CCKBR: variants seen among roughly 807,000 people sequenced by gnomAD.
CCKBR encodes cholecystokinin B receptor.
In CCKBR, 33 loss-of-function variants were observed where a neutral mutation model predicts 34.6. The observed-to-expected ratio is 0.95, with a 90% CI of 0.72 to 1.27. The LOEUF (loss-of-function observed/expected upper bound fraction) is 1.27, where lower values mean the gene tolerates loss of function less well. Among genes scored for constraint, CCKBR ranks in the 50% most tolerant of loss-of-function variants. The pLI, the probability that CCKBR is intolerant of heterozygous loss-of-function variation, is 0.00. For missense variants in CCKBR, 652 were observed against 617.4 expected, an observed-to-expected ratio of 1.06 and a Z score of -0.59; for synonymous variants, 269 against 267.5, an observed-to-expected ratio of 1.01 and a Z score of -0.06.
chr11:6,270,622 G>A (rs562461593), intron 3 of CCKBR, 24 bp from the exon 4 acceptor site: 15 of 1,574,616 alleles, frequency 9.5e-6, no homozygotes, highest in Middle Eastern at 1.7e-4. Flanking sequence ...AGAAACCCGA[G>A]TGATCTGTCT....
rs758253674 is a variant in CCKBR at position 6,270,237 on chromosome 11, C to T, written c.553C>T (p.Leu185Phe). The T allele has an allele frequency of 8.7e-6, 14 of 1,613,110 alleles. No homozygotes were observed. Among genetic ancestry groups the T allele is most frequent in the Non-Finnish European group, 1.2e-5 (14 of 1,180,046 alleles). Residue 185 changes from leucine (L) to phenylalanine (F), a missense_variant, in exon 3 of 5, where the codon CTC becomes TTC. Coordinates refer to ENST00000334619, the MANE Select transcript of CCKBR (RefSeq NM_176875.4). Reference sequence around the variant, plus strand: ...AGCCACGTGGCTGCTGTCCGGACTACTCATGGTGCCCTACCCCGTGTACAC... The same window carrying T: ...AGCCACGTGGCTGCTGTCCGGACTATTCATGGTGCCCTACCCCGTGTACAC... ...IVATWLLSGL[L>F]MVPYPVYTVV...
At chr11:6,270,362 A>T in intron 3 of CCKBR, 25 bp downstream of exon 3, 1 of 1,598,248 alleles carries the variant, frequency 6.3e-7, no homozygotes, top group Non-Finnish European at 8.5e-7. Context: ...AAACTATCCT[A>T]GGAATTCCTT....
chr11:6,264,737 A>ACACACACACACACACACG (rs6144195), intron 1 of CCKBR: 35 of 508,950 alleles, frequency 6.9e-5, no homozygotes, highest in South Asian at 3.3e-4. Context: ...ACACACACAC[A>ACACACACACACACACACG]CACACACGCA....
In CCKBR at chr11:6,271,798, C is replaced by T. The variant is rs202220273; in HGVS notation, c.*255C>T. 6.3e-6 allele frequency: 3 copies of T among 475,660 alleles called. No homozygotes were observed. The highest frequency in any genetic ancestry group is 7.4e-6 in the Non-Finnish European group (2 of 269,466). The allele number at this position is 475,660 out of a possible 1,614,324, so 29.5% of individuals were successfully genotyped here. On this transcript the variant is annotated 3_prime_UTR_variant, in exon 5 of 5. Transcript: ENST00000334619. ...TGACACTGACCTTGGAGAGACACAG[C>T]GTCCCTAGCAGTGAACTATTTCTAC...
At chr11:6,262,714 G>GAT (rs1487839299) in intron 1 of CCKBR, among the ~76,000 whole-genome samples, 1 of 141,338 alleles carries the variant, frequency 7.1e-6, no homozygotes, top group Admixed American at 7.1e-5. Context: ...GAGAGAGAGA[G>GAT]AGAGAGAGAG....
rs574919481 is a variant in CCKBR, at chr11:6,261,529, C to T, written c.151+1450C>T. ...CATATGGGAGAGCCAGCCAAGTGAACGGGCAGAAGAGGCAGAAAGCATCCC... is the reference window on the plus strand; with the variant it reads ...CATATGGGAGAGCCAGCCAAGTGAATGGGCAGAAGAGGCAGAAAGCATCCC... On this transcript the variant is annotated intron_variant, in intron 1 of 4. Coordinates refer to ENST00000334619, the MANE Select transcript of CCKBR (RefSeq NM_176875.4). 2.3e-4 allele frequency among the ~76,000 whole-genome samples: 33 copies of T among 145,442 alleles called. 1 individual carries two copies. The highest frequency in any genetic ancestry group is 7.1e-4 in the Admixed American group (10 of 14,170).
At chr11:6,262,272 G>T (rs746927805) in intron 1 of CCKBR, among the ~76,000 whole-genome samples, 2 of 152,060 alleles carry the variant, frequency 1.3e-5, no homozygotes, top group Non-Finnish European at 2.9e-5. Flanking sequence ...TAGAAGCCCC[G>T]AGAATAGTTA....
chr11:6,261,462 T>TATATACACACACACACAC (rs764173521), intron 1 of CCKBR, among the ~76,000 whole-genome samples: 1 of 64,010 alleles, frequency 1.6e-5, no homozygotes, highest in African/African-American at 6.0e-5. Context: ...AAAATATATA[T>TATATACACACACACACAC]ACACACACAC....
At chr11:6,260,123 T>A (rs1373177373) in intron 1 of CCKBR, 44 bp downstream of exon 1, 1 of 1,480,188 alleles carries the variant, frequency 6.8e-7, no homozygotes, top group Non-Finnish European at 9.1e-7. Context: ...TTTCTCACTG[T>A]ACCCCAGAAC....
At position 6,271,612 on chromosome 11, in the gene CCKBR, C is replaced by T. The variant is rs540565930; in HGVS notation, c.*69C>T. ...CACTGACCCTTCCAGACATACGAAA[C>T]ACAAACCACAACTGACACAGGAAAC... is the stretch of plus-strand genomic sequence containing the variant. On this transcript the variant is annotated 3_prime_UTR_variant, in exon 5 of 5. Transcript: ENST00000334619. 1 of 1,414,346 alleles carries T rather than the reference C, an allele frequency of 7.1e-7. No individual in the cohort carries two copies. The highest frequency in any genetic ancestry group is 9.4e-7 in the Non-Finnish European group (1 of 1,059,380). 87.6% of individuals were successfully genotyped at this position (1,414,346 alleles called of 1,614,324 possible).
At chr11:6,261,462 T>TATACACAC (rs764173521) in intron 1 of CCKBR, among the ~76,000 whole-genome samples, 47 of 63,958 alleles carry the variant, frequency 7.3e-4, no homozygotes, top group African/African-American at 1.4e-3. Flanking sequence ...AAAATATATA[T>TATACACAC]ACACACACAC....
At position 6,271,419 on chromosome 11, in the gene CCKBR, G is replaced by A. The variant is rs1197838113; in HGVS notation, c.1220G>A (p.Arg407His). Residue 407 changes from arginine (R) to histidine (H), a missense_variant, in exon 5 of 5, where the codon CGC becomes CAC. By Grantham distance (29) the Arg-to-His change is conservative. Coordinates refer to ENST00000334619, the MANE Select transcript of CCKBR (RefSeq NM_176875.4). ...FRQACLETCARCCPRPPRARP... is the reference protein window; with the variant it reads ...FRQACLETCAHCCPRPPRARP... ...CAGGCCTGCCTGGAAACTTGCGCTC[G>A]CTGCTGCCCCCGGCCTCCACGAGCT... is the stretch of plus-strand genomic sequence containing the variant. 1.2e-6 allele frequency: 2 copies of A among 1,613,776 alleles called. No homozygotes were observed. Among genetic ancestry groups the A allele is most frequent in the Admixed American group, 1.7e-5 (1 of 60,028 alleles).
chr11:6,262,333 ACT>A (rs1214998648), intron 1 of CCKBR, among the ~76,000 whole-genome samples: 1 of 152,060 alleles, frequency 6.6e-6, no homozygotes, highest in Non-Finnish European at 1.5e-5. Flanking sequence ...CTAGGTCAAG[ACT>A]CTGCATAAGA....
At chr11:6,270,623 T>A in intron 3 of CCKBR, 23 bp from the exon 4 acceptor site, 1 of 1,572,856 alleles carries the variant, frequency 6.4e-7, no homozygotes, top group Non-Finnish European at 8.7e-7. Context: ...GAAACCCGAG[T>A]GATCTGTCTG....
chr11:6,264,745 G>GCACACACT, intron 1 of CCKBR: 2 of 379,716 alleles, frequency 5.3e-6, no homozygotes, highest in Non-Finnish European at 9.2e-6. Flanking sequence ...ACACACACAC[G>GCACACACT]CATACAAGTC....
intron 1 of CCKBR, among the ~76,000 whole-genome samples, chr11:6,267,760 A>G (rs1848230404): frequency 6.6e-6 from 1 of 152,208 alleles, no homozygotes; most frequent in South Asian, 2.1e-4. Flanking sequence ...CCACAAACAC[A>G]TACGTAATGC....
chr11:6,261,462 T>TATATATATATAAAC (rs764173521), intron 1 of CCKBR, among the ~76,000 whole-genome samples: 1 of 64,016 alleles, frequency 1.6e-5, no homozygotes, highest in Non-Finnish European at 2.8e-5. Context: ...AAAATATATA[T>TATATATATATAAAC]ACACACACAC....
chr11:6,261,483 A>ACACACACC, intron 1 of CCKBR, among the ~76,000 whole-genome samples: 1 of 146,264 alleles, frequency 6.8e-6, no homozygotes, highest in African/African-American at 2.5e-5. Flanking sequence ...ACACACACAC[A>ACACACACC]CACACACACA....
intron 4 of CCKBR, 53 bp downstream of exon 4, chr11:6,270,856 G>T (rs372487867): frequency 5.8e-5 from 94 of 1,613,014 alleles, no homozygotes; most frequent in East Asian, 2.0e-4. Flanking sequence ...TTTGGAGGGC[G>T]ACGGGGCCTG....
Sources: gnomAD v4.1 joint callset for allele counts (sites outside exome capture counted in the v4.1 genomes callset) on GRCh38, gnomAD v4.1.1 for gene constraint, MANE v1.5 for transcripts, NCBI Gene and HGNC (gene_info 2026-07-23, HGNC 2026-07-21) for gene names.